Variants in ZBTB20 observed in about 807,000 individuals in gnomAD.
ZBTB20 encodes the protein zinc finger and BTB domain containing 20, also known as zinc finger and BTB domain-containing protein 20.
In ZBTB20, 9 loss-of-function variants were observed where a neutral mutation model predicts 56.9. That is an observed-to-expected ratio of 0.16 (90% CI 0.10 to 0.28). The LOEUF (loss-of-function observed/expected upper bound fraction) is 0.28, where lower values mean the gene tolerates loss of function less well. Ranked by LOEUF, ZBTB20 falls within the 10% of genes least tolerant of loss-of-function variation. ZBTB20 has a pLI of 1.00. For missense variants in ZBTB20, 655 were observed against 1,003.0 expected (o/e 0.65, Z 4.69); for synonymous variants, 417 against 420.7 (o/e 0.99, Z 0.11).
intron 3 of ZBTB20, among the ~76,000 whole-genome samples, chr3:114,928,559 A>C (rs1328578007): frequency 1.3e-5 from 2 of 152,212 alleles, no homozygotes; most frequent in Non-Finnish European, 2.9e-5. Context: ...ATTTCAGGAG[A>C]GATACATTAT....
At chr3:114,457,916 A>T (rs1446262317) in intron 7 of ZBTB20, among the ~76,000 whole-genome samples, 6 of 152,200 alleles carry the variant, frequency 3.9e-5, no homozygotes, top group African/African-American at 1.4e-4. Flanking sequence ...TTGAATGAAT[A>T]AGCAAATAAA....
chr3:114,838,634 A>C (rs906874392), intron 4 of ZBTB20, among the ~76,000 whole-genome samples: 10 of 152,184 alleles, frequency 6.6e-5, no homozygotes, highest in Non-Finnish European at 1.5e-4. Flanking sequence ...ATTTAGGCAG[A>C]GGGTAGTCAT....
intron 6 of ZBTB20, among the ~76,000 whole-genome samples, chr3:114,604,929 C>T (rs180720321): frequency 2.4e-4 from 37 of 151,984 alleles, no homozygotes; most frequent in African/African-American, 6.5e-4. Context: ...CTTGTTGCTA[C>T]GTAATAAGAA....
chr3:115,105,015 A>C (rs1204136075), intron 1 of ZBTB20, among the ~76,000 whole-genome samples: 2 of 152,180 alleles, frequency 1.3e-5, no homozygotes, highest in African/African-American at 4.8e-5. Flanking sequence ...TGAAACTAAA[A>C]TTACTCAAAA....
intron 2 of ZBTB20, 64 bp from the exon 3 acceptor site, chr3:114,974,480 A>C (rs539641134): frequency 6.6e-6 from 1 of 152,312 alleles, no homozygotes; most frequent in South Asian, 2.1e-4. Flanking sequence ...TTTCTATAAT[A>C]TCTTTATGAC....
chr3:115,092,453 C>T (rs1163532853), intron 1 of ZBTB20, among the ~76,000 whole-genome samples: 3 of 152,104 alleles, frequency 2.0e-5, no homozygotes, highest in African/African-American at 4.8e-5. Context: ...AACATTAACA[C>T]TGGCCTAAAG....
In ZBTB20 at chr3:114,979,989, T is replaced by C. The variant is rs368776225; in HGVS notation, c.-506-5573A>G. 5.3e-5 allele frequency among the ~76,000 whole-genome samples: 8 copies of C among 152,106 alleles called. No homozygotes were observed. In the East Asian group the frequency reaches 5.8e-4, roughly 11 times the overall value. On this transcript the variant is annotated intron_variant, in intron 2 of 11. Coordinates refer to ENST00000675478, the MANE Select transcript of ZBTB20 (RefSeq NM_001348800.3). The stretch of plus-strand genomic sequence containing the variant: ...GCTCGAGAGCAACAACAAAAGACCA[T>C]TCACTGACTCAGTTATACTTGCTCT...
chr3:114,523,838 A>C (rs1049004720), intron 6 of ZBTB20, among the ~76,000 whole-genome samples: 7 of 152,176 alleles, frequency 4.6e-5, no homozygotes, highest in Non-Finnish European at 8.8e-5. Context: ...AAAATATGAA[A>C]TATTCTTGTA....
intron 6 of ZBTB20, among the ~76,000 whole-genome samples, chr3:114,685,010 G>A (rs996529353): frequency 6.6e-6 from 1 of 151,916 alleles, no homozygotes; most frequent in African/African-American, 2.4e-5. Flanking sequence ...CTTATATCCC[G>A]CTTCCTTTTT....
At chr3:114,589,016 C>G (rs2107542827) in intron 6 of ZBTB20, among the ~76,000 whole-genome samples, 2 of 152,248 alleles carry the variant, frequency 1.3e-5, no homozygotes, top group South Asian at 4.2e-4. Flanking sequence ...CATCAGATCT[C>G]ATGAGAACTC....
At chr3:114,580,376 T>A (rs574934415) in intron 6 of ZBTB20, among the ~76,000 whole-genome samples, 1 of 151,806 alleles carries the variant, frequency 6.6e-6, no homozygotes, top group African/African-American at 2.4e-5. Flanking sequence ...ATACAATAAT[T>A]TCGATTTCTC....
At chr3:114,839,912 A>C (rs532212877) in intron 4 of ZBTB20, among the ~76,000 whole-genome samples, 1 of 152,300 alleles carries the variant, frequency 6.6e-6, no homozygotes, top group Admixed American at 6.5e-5. Context: ...TAGCCCTGCC[A>C]ACACCTTGAT....
chr3:114,468,407 T>C (rs923398294), intron 7 of ZBTB20, among the ~76,000 whole-genome samples: 11 of 152,188 alleles, frequency 7.2e-5, no homozygotes, highest in Non-Finnish European at 1.5e-4. Flanking sequence ...TTCACTTATT[T>C]GTTTATATTT....
chr3:114,718,205 C>T (rs867750030), intron 5 of ZBTB20, among the ~76,000 whole-genome samples: 2 of 152,100 alleles, frequency 1.3e-5, no homozygotes, highest in East Asian at 3.9e-4. Context: ...CACTTAATTG[C>T]TCCACCCAGT....
At chr3:114,808,007 T>C (rs1337297826) in intron 4 of ZBTB20, among the ~76,000 whole-genome samples, 2 of 152,108 alleles carry the variant, frequency 1.3e-5, no homozygotes, top group South Asian at 2.1e-4. Flanking sequence ...GTACAAATAA[T>C]TGAAAGATGA....
chr3:114,604,721 A>G (rs1449552587), intron 6 of ZBTB20, among the ~76,000 whole-genome samples: 1 of 152,030 alleles, frequency 6.6e-6, no homozygotes, highest in East Asian at 1.9e-4. Context: ...TTTGGAGCAA[A>G]AAATGATTCA....
At chr3:114,839,475 GAA>G (rs71616319) in intron 4 of ZBTB20, among the ~76,000 whole-genome samples, 2 of 151,744 alleles carry the variant, frequency 1.3e-5, no homozygotes, top group South Asian at 4.2e-4. Flanking sequence ...AAGAGAGAGA[GAA>G]AGAAAGAGAA....
chr3:114,915,381 C>T (rs761502939), intron 3 of ZBTB20, among the ~76,000 whole-genome samples: 4 of 151,814 alleles, frequency 2.6e-5, no homozygotes, highest in Non-Finnish European at 5.9e-5. Flanking sequence ...ATAGTAGCTT[C>T]TAATGGTCTT....
At chr3:114,583,078 T>G (rs1262194963) in intron 6 of ZBTB20, among the ~76,000 whole-genome samples, 1 of 152,242 alleles carries the variant, frequency 6.6e-6, no homozygotes, top group Non-Finnish European at 1.5e-5. Context: ...GTATCAGTAC[T>G]GCTATTGGCT....
Sources: gnomAD v4.1 joint callset for allele counts (sites outside exome capture counted in the v4.1 genomes callset) on GRCh38, gnomAD v4.1.1 for gene constraint, MANE v1.5 for transcripts, NCBI Gene and HGNC (gene_info 2026-07-23, HGNC 2026-07-21) for gene names.